Variants in DCC observed in about 807,000 individuals in gnomAD.
DCC encodes DCC netrin 1 receptor.
In DCC, 58 loss-of-function variants were observed where a neutral mutation model predicts 172.5. That is an observed-to-expected ratio of 0.34 (90% CI 0.27 to 0.42). The LOEUF is 0.42. DCC is among the 10% of genes least tolerant of loss of function. The probability of loss-of-function intolerance (pLI) is 1.00; values close to 1 mark genes in which losing one functional copy is unlikely to be tolerated. For synonymous variants in DCC, 709 were observed against 644.5 expected (o/e 1.10, Z -1.52); for missense variants, 1,740 against 1,791.0 (o/e 0.97, Z 0.51).
intron 1 of DCC, among the ~76,000 whole-genome samples, chr18:52,542,009 G>A (rs1181094515): frequency 6.8e-6 from 1 of 146,636 alleles, no homozygotes; most frequent in Non-Finnish European, 1.5e-5. Context: ...CAATATGCTA[G>A]CAATATATTA....
chr18:53,272,356 A>G (rs917522162), intron 12 of DCC, among the ~76,000 whole-genome samples: 1 of 152,160 alleles, frequency 6.6e-6, no homozygotes, highest in Non-Finnish European at 1.5e-5. Context: ...GTATTTTTCT[A>G]TGTAATTTTG....
intron 1 of DCC, among the ~76,000 whole-genome samples, chr18:52,561,436 T>G (rs1001453208): frequency 6.6e-6 from 1 of 151,924 alleles, no homozygotes; most frequent in African/African-American, 2.4e-5. Context: ...TGTGTGTGTA[T>G]GTCTATGTGC....
At chr18:52,616,026 G>T (rs1776592394) in intron 1 of DCC, among the ~76,000 whole-genome samples, 1 of 151,992 alleles carries the variant, frequency 6.6e-6, no homozygotes, top group Admixed American at 6.6e-5. Context: ...TAGAACAGAG[G>T]GTTTCTGTAT....
intron 5 of DCC, among the ~76,000 whole-genome samples, chr18:53,053,393 T>C (rs964346148): frequency 6.6e-6 from 1 of 152,186 alleles, no homozygotes; most frequent in African/African-American, 2.4e-5. Context: ...TGCTTTCTTT[T>C]CATTCTTTGA....
At chr18:53,240,941 A>G (rs1007602937) in intron 12 of DCC, among the ~76,000 whole-genome samples, 2 of 152,152 alleles carry the variant, frequency 1.3e-5, no homozygotes, top group Non-Finnish European at 2.9e-5. Context: ...GCATAGAAGT[A>G]TTGTTAGGGC....
intron 2 of DCC, among the ~76,000 whole-genome samples, chr18:52,887,820 T>C (rs1321395789): frequency 6.6e-6 from 1 of 152,196 alleles, no homozygotes; most frequent in Admixed American, 6.5e-5. Context: ...TTCTCAGAAT[T>C]AGTTTGCAGC....
Position 53,063,430 on chromosome 18 carries a change from G to C in DCC, c.1111G>C (p.Val371Leu). The C allele has an allele frequency of 6.2e-7, 1 of 1,610,692 alleles. No homozygotes were observed. The highest frequency in any genetic ancestry group is 8.5e-7 in the Non-Finnish European group (1 of 1,177,458). The change falls in exon 6 of 29, where the codon GTC (valine) becomes CTC (leucine). Residue 371 changes from valine (V) to leucine (L), a missense_variant. Val to Leu is a conservative substitution (Grantham distance 32, BLOSUM62 1). This residue lies in a region of DCC where 1,732 missense variants were observed against 1,767.4 expected (regional missense o/e 0.98). Coordinates refer to ENST00000442544, the MANE Select transcript of DCC (RefSeq NM_005215.4). ...GAATTGGATGAAGAATGGAGATGTG[G>C]TCATTCCTAGTGATTATTTTCAGAT... is the stretch of plus-strand genomic sequence containing the variant. ...TVNWMKNGDV[V>L]IPSDYFQIVG...
rs2038846476 is a variant in DCC, at chr18:52,843,983, C to G, written c.413-62061C>G. 2.0e-5 allele frequency among the ~76,000 whole-genome samples: 3 copies of G among 152,146 alleles called. No individual in the cohort carries two copies. The East Asian group carries it at 5.8e-4, about 30-fold the overall frequency. ...CATGATATAGTATGATGCTGATAAA[C>G]ATCGCTTTTTTGAAGTCAGACGTAA... is the stretch of plus-strand genomic sequence containing the variant. On this transcript the variant is annotated intron_variant, in intron 2 of 28. Transcript: ENST00000442544.
chr18:52,943,434 A>T (rs1037096581), intron 5 of DCC, among the ~76,000 whole-genome samples: 1 of 152,208 alleles, frequency 6.6e-6, no homozygotes, highest in Non-Finnish European at 1.5e-5. Flanking sequence ...GTAGAAGGTG[A>T]CATGGCAAGA....
At chr18:52,784,685 A>G (rs1307717218) in intron 2 of DCC, among the ~76,000 whole-genome samples, 2 of 151,900 alleles carry the variant, frequency 1.3e-5, no homozygotes, top group Non-Finnish European at 2.9e-5. Context: ...AATTTTTTAA[A>G]TATGTTTTGG....
intron 1 of DCC, among the ~76,000 whole-genome samples, chr18:52,440,011 G>A (rs576305938): frequency 2.0e-5 from 3 of 152,188 alleles, no homozygotes; most frequent in Admixed American, 6.5e-5. Context: ...ACAAGTTTGC[G>A]GGTCAGGGCA....
chr18:52,690,007 T>TATTC (rs1237751397), intron 1 of DCC, among the ~76,000 whole-genome samples: 63 of 152,258 alleles, frequency 4.1e-4, no homozygotes, highest in African/African-American at 1.5e-3. Flanking sequence ...AAATGTGACA[T>TATTC]ATTCATTCAG....
intron 1 of DCC, among the ~76,000 whole-genome samples, chr18:52,649,570 C>T (rs894356824): frequency 1.3e-5 from 2 of 152,034 alleles, no homozygotes; most frequent in Non-Finnish European, 2.9e-5. Flanking sequence ...TACCCACCCC[C>T]TCTCACCCTC....
rs2039555853 is a variant in DCC, at chr18:52,885,480, T to C, written c.413-20564T>C. On this transcript the variant is annotated intron_variant, in intron 2 of 28. Transcript: ENST00000442544. ...GGATTCTTCCAGGCCACCACTGATATTCACTTAAAGCCCAAAGGCTCTTCT... is the reference window on the plus strand; with the variant it reads ...GGATTCTTCCAGGCCACCACTGATACTCACTTAAAGCCCAAAGGCTCTTCT... Among the ~76,000 whole-genome samples the C allele has an allele frequency of 2.0e-5, 3 of 152,124 alleles. No individual in the cohort carries two copies. The South Asian group carries it at 6.2e-4, about 32-fold the overall frequency.
intron 9 of DCC, among the ~76,000 whole-genome samples, chr18:53,190,665 A>G (rs1598890764): frequency 6.6e-6 from 1 of 152,152 alleles, no homozygotes; most frequent in African/African-American, 2.4e-5. Context: ...TTAAAATCTC[A>G]GCAGGGCGTA....
chr18:53,267,296 C>T (rs147845175), intron 12 of DCC, among the ~76,000 whole-genome samples: 1,796 of 152,210 alleles, frequency 0.012, 28 homozygotes, highest in Non-Finnish European at 0.018. Context: ...AAGCAATTCT[C>T]CTGCCTCAGC....
intron 21 of DCC, among the ~76,000 whole-genome samples, chr18:53,430,088 T>C (rs1911513792): frequency 6.6e-6 from 1 of 152,132 alleles, no homozygotes; most frequent in South Asian, 2.1e-4. Context: ...AGTAAAATTA[T>C]ATTCAGGTAA....
intron 1 of DCC, among the ~76,000 whole-genome samples, chr18:52,679,546 G>A (rs768198405): frequency 5.9e-5 from 9 of 152,130 alleles, no homozygotes; most frequent in Non-Finnish European, 1.0e-4. Flanking sequence ...TATGAGGTAA[G>A]CAGGCCCATA....
chr18:52,935,225 T>G (rs73458982), intron 5 of DCC, among the ~76,000 whole-genome samples: 7,742 of 152,192 alleles, frequency 0.051, 269 homozygotes, highest in South Asian at 0.14. Flanking sequence ...CTCATTTACA[T>G]AATAGGTCTT....
Sources: allele counts gnomAD v4.1 joint callset (sites outside exome capture counted in the v4.1 genomes callset), GRCh38; gene constraint gnomAD v4.1.1; regional missense constraint gnomAD v4.1.1; transcripts MANE v1.5; gene names NCBI Gene and HGNC (gene_info 2026-07-23, HGNC 2026-07-21).